LNPK: variants seen among roughly 807,000 people sequenced by gnomAD.
LNPK encodes lunapark, ER junction formation factor.
In LNPK, 29 loss-of-function variants were observed where a neutral mutation model predicts 55.2. The ratio of observed to expected loss-of-function variants is 0.53; its 90% CI spans 0.39 to 0.72. LNPK has a LOEUF of 0.72. Among genes scored for constraint, LNPK ranks in the 30% least tolerant of loss-of-function variants. LNPK has a pLI of 0.00. For missense variants in LNPK, 467 were observed against 494.8 expected (o/e 0.94, Z 0.53); for synonymous variants, 162 against 168.2 (o/e 0.96, Z 0.29).
intron 4 of LNPK, 89 bp downstream of exon 4, chr2:175,992,142 A>C (rs1176301442): frequency 6.2e-6 from 5 of 806,150 alleles, no homozygotes; most frequent in African/African-American, 1.9e-5. Context: ...ACCATTTAAT[A>C]ATAAAGAGAC....
chr2:175,963,594 C>A (rs949701975), intron 8 of LNPK, among the ~76,000 whole-genome samples: 2 of 151,910 alleles, frequency 1.3e-5, no homozygotes, highest in East Asian at 1.9e-4. Context: ...GGGAGATATA[C>A]CTAATGCTAG....
intron 2 of LNPK, 39 bp from the exon 3 acceptor site, chr2:175,993,262 T>A (rs1687781488): frequency 7.7e-7 from 1 of 1,292,296 alleles, no homozygotes. Context: ...CATTAAAACT[T>A]ATCACAAACC....
chr2:175,998,467 A>C (rs1314073813), intron 1 of LNPK, among the ~76,000 whole-genome samples: 1 of 151,902 alleles, frequency 6.6e-6, no homozygotes, highest in African/African-American at 2.4e-5. Context: ...AAAAGAAGAA[A>C]AGAAAAAAAA....
chr2:175,971,059 A>G (rs1686638586), intron 5 of LNPK, among the ~76,000 whole-genome samples: 1 of 152,112 alleles, frequency 6.6e-6, no homozygotes, highest in South Asian at 2.1e-4. Context: ...AAATTGAAAT[A>G]TATACAAATA....
chr2:175,990,079 TA>T (rs1009767044), intron 4 of LNPK, among the ~76,000 whole-genome samples: 3 of 152,218 alleles, frequency 2.0e-5, no homozygotes, highest in Non-Finnish European at 4.4e-5. Flanking sequence ...CTTTTGCCTC[TA>T]AGTCTTTAAG....
intron 12 of LNPK, among the ~76,000 whole-genome samples, chr2:175,933,890 C>A (rs1313401851): frequency 6.6e-6 from 1 of 152,120 alleles, no homozygotes; most frequent in Non-Finnish European, 1.5e-5. Flanking sequence ...CGCCACCACA[C>A]CTGGATCATT....
At chr2:175,956,179 C>T (rs1477472141) in intron 8 of LNPK, among the ~76,000 whole-genome samples, 1 of 150,324 alleles carries the variant, frequency 6.7e-6, no homozygotes, top group Admixed American at 6.7e-5. Context: ...ACTCAGGAGG[C>T]TGAGGTGGGA....
intron 8 of LNPK, among the ~76,000 whole-genome samples, chr2:175,950,388 G>C (rs1685337754): frequency 6.6e-6 from 1 of 152,008 alleles, no homozygotes; most frequent in African/African-American, 2.4e-5. Context: ...ATTCAAAATA[G>C]CTAGAAGAGA....
chr2:175,993,570 C>CT, intron 2 of LNPK, among the ~76,000 whole-genome samples: 1 of 152,190 alleles, frequency 6.6e-6, no homozygotes, highest in East Asian at 1.9e-4. Context: ...CTTTGGGAGG[C>CT]CAAGGTGGGC....
intron 4 of LNPK, among the ~76,000 whole-genome samples, chr2:175,984,684 C>G (rs542960766): frequency 5.9e-5 from 9 of 152,098 alleles, no homozygotes; most frequent in African/African-American, 2.2e-4. Context: ...CCTATCAGAA[C>G]AGTCAAAATA....
chr2:175,982,423 T>C (rs1447042957), intron 4 of LNPK, among the ~76,000 whole-genome samples: 2 of 152,240 alleles, frequency 1.3e-5, no homozygotes, highest in African/African-American at 2.4e-5. Context: ...TAAATTCCTC[T>C]GGTTTTTATC....
chr2:175,969,729 T>A (rs953867886), intron 6 of LNPK, among the ~76,000 whole-genome samples: 2 of 152,188 alleles, frequency 1.3e-5, no homozygotes, highest in African/African-American at 4.8e-5. Context: ...ATGTGCAGAA[T>A]AGCAGAAACA....
chr2:175,993,162 C>A lies in LNPK; in HGVS notation c.69+20G>T. ...TAATACCTAAAATGAATTAAAATAC[C>A]TCACAGCCAAAGAACATACCTTATC... On this transcript the variant is annotated intron_variant, in intron 3 of 12. Transcript: ENST00000272748. 6.8e-7 allele frequency: 1 copy of A among 1,467,870 alleles called. No individual in the cohort carries two copies. Among genetic ancestry groups the A allele is most frequent in the South Asian group, 1.3e-5 (1 of 79,084 alleles). The allele number at this position is 1,467,870 out of a possible 1,614,324, so 90.9% of individuals were successfully genotyped here. A position where few individuals can be genotyped will look rare whatever the true frequency, so the allele number is the denominator to read the frequency against.
intron 4 of LNPK, among the ~76,000 whole-genome samples, chr2:175,988,761 T>C (rs1320503747): frequency 6.6e-6 from 1 of 152,136 alleles, no homozygotes. Flanking sequence ...TTCTTTATTA[T>C]ATATAAAAGC....
At chr2:175,935,131 A>C (rs370396834) in intron 12 of LNPK, among the ~76,000 whole-genome samples, 2 of 152,148 alleles carry the variant, frequency 1.3e-5, no homozygotes, top group African/African-American at 4.8e-5. Flanking sequence ...ATGGTTACTG[A>C]TATTTGTTTA....
At chr2:175,999,515 T>C (rs543787773) in intron 1 of LNPK, among the ~76,000 whole-genome samples, 2 of 152,346 alleles carry the variant, frequency 1.3e-5, no homozygotes, top group African/African-American at 4.8e-5. Context: ...CTGCTGTAGT[T>C]GTAGCTATTT....
chr2:175,957,696 C>A (rs1288336768), intron 8 of LNPK, among the ~76,000 whole-genome samples: 1 of 152,174 alleles, frequency 6.6e-6, no homozygotes, highest in Non-Finnish European at 1.5e-5. Context: ...GTTCATCTCA[C>A]TGGGACTGGT....
intron 7 of LNPK, 33 bp from the exon 8 acceptor site, chr2:175,964,456 T>G: frequency 6.3e-7 from 1 of 1,597,680 alleles, no homozygotes; most frequent in African/African-American, 1.3e-5. Context: ...TACAGTGACC[T>G]ATTACAATGT....
chr2:175,978,634 C>T (rs1344111462), intron 5 of LNPK, among the ~76,000 whole-genome samples: 2 of 152,040 alleles, frequency 1.3e-5, no homozygotes, highest in Non-Finnish European at 2.9e-5. Context: ...ATAATAGGAC[C>T]ATAAGGCAGT....
Sources: allele counts gnomAD v4.1 joint callset (sites outside exome capture counted in the v4.1 genomes callset), GRCh38; gene constraint gnomAD v4.1.1; transcripts MANE v1.5; gene names NCBI Gene and HGNC (gene_info 2026-07-23, HGNC 2026-07-21).